The following SMG1 variants were observed in gnomAD, a reference collection of about 807,000 sequenced individuals.
The protein encoded by SMG1 is SMG1 nonsense mediated mRNA decay associated PI3K related kinase, also known as serine/threonine-protein kinase SMG1.
In SMG1, 22 loss-of-function variants were observed where a neutral mutation model predicts 419.9. The ratio of observed to expected loss-of-function variants is 0.05; its 90% confidence interval spans 0.04 to 0.07. The LOEUF is 0.07. Among genes scored for constraint, SMG1 ranks in the 10% least tolerant of loss-of-function variants. The pLI, the probability that SMG1 is intolerant of heterozygous loss-of-function variation, is 1.00. For missense variants in SMG1, 3,185 were observed against 4,342.0 expected, an observed-to-expected ratio of 0.73 and a Z score of 7.49; for synonymous variants, 1,538 against 1,553.5, an observed-to-expected ratio of 0.99 and a Z score of 0.23.
In SMG1 at chr16:18,863,873, A is replaced by G. The variant is rs527726712; in HGVS notation, c.3494-22T>C. 2.8e-5 allele frequency: 44 copies of G among 1,588,044 alleles called. No individual in the cohort carries two copies. The South Asian group carries it at 4.6e-4, about 16-fold the overall frequency. On this transcript the variant is annotated intron_variant, in intron 24 of 62. Coordinates refer to ENST00000446231, the MANE Select transcript of SMG1 (RefSeq NM_015092.5). ...TCACCTGAAAGTATTTTATAAAATA[A>G]GAAGAGAGAGATTCAGATCAGTTAG...
chr16:18,882,719 C>A (rs2036452742), intron 9 of SMG1, among the ~76,000 whole-genome samples: 1 of 152,146 alleles, frequency 6.6e-6, no homozygotes, highest in Non-Finnish European at 1.5e-5. Flanking sequence ...TTGAGCCACT[C>A]AGCTCAACAG....
At position 18,876,014 on chromosome 16, in the gene SMG1, T is replaced by A. The variant is rs1482641810; in HGVS notation, c.1890+110A>T. ...GCATGTCTTAAATATGGCTGTTTGT[T>A]ACACACAGTGATTCTGCAGACATCT... On this transcript the variant is annotated intron_variant, in intron 13 of 62. Transcript: ENST00000446231. 7 of 1,196,964 alleles carry A rather than the reference T, an allele frequency of 5.8e-6. No homozygotes were observed. In the Admixed American group the frequency reaches 7.8e-5, roughly 13 times the overall value. The allele number at this position is 1,196,964 out of a possible 1,614,324, so 74.1% of individuals were successfully genotyped here.
At chr16:18,849,768 T>G (rs1220397602) in intron 35 of SMG1, among the ~76,000 whole-genome samples, 181 bp downstream of exon 35, 1 of 152,202 alleles carries the variant, frequency 6.6e-6, no homozygotes, top group Non-Finnish European at 1.5e-5. Flanking sequence ...AGCTTCCCAT[T>G]TCTTGGAAAG....
chr16:18,829,787 G>A (rs1378920390), intron 53 of SMG1, 32 bp from the exon 54 acceptor site: 3 of 1,556,440 alleles, frequency 1.9e-6, no homozygotes, highest in African/African-American at 2.8e-5. Context: ...TGTATTTCAT[G>A]AAAAAAATCA....
At chr16:18,851,392 TACAC>T (rs71374432) in intron 33 of SMG1, among the ~76,000 whole-genome samples, 202 of 150,084 alleles carry the variant, frequency 1.3e-3, no homozygotes, top group South Asian at 2.5e-3. Context: ...TAAGTTTAAA[TACAC>T]ACACACACAC....
At chr16:18,889,234 G>C (rs2036776975) in intron 6 of SMG1, 138 bp downstream of exon 6, 3 of 525,520 alleles carry the variant, frequency 5.7e-6, no homozygotes, top group Non-Finnish European at 1.0e-5. Context: ...TGAGAAAGAG[G>C]AATTTTTAAA....
At chr16:18,849,495 A>G in intron 35 of SMG1, 117 bp from the exon 36 acceptor site, 1 of 976,210 alleles carries the variant, frequency 1.0e-6, no homozygotes, top group Non-Finnish European at 1.5e-6. Flanking sequence ...TACGGATTTT[A>G]AGAGTTCAAA....
In SMG1 at chr16:18,818,996, T is replaced by C. The variant is rs796298661; in HGVS notation, c.9894+506A>G. 4.6e-5 allele frequency among the ~76,000 whole-genome samples: 7 copies of C among 152,260 alleles called. 1 individual carries two copies. The highest frequency in any genetic ancestry group is 1.7e-4 in the African/African-American group (7 of 41,538). ...CACACCCAGCTAATTTTTTTGTATT[T>C]TTAGCAGAGACGGGGTTTCACCATA... is the stretch of plus-strand genomic sequence containing the variant. On this transcript the variant is annotated intron_variant, in intron 56 of 62. Coordinates refer to ENST00000446231, the MANE Select transcript of SMG1 (RefSeq NM_015092.5).
At chr16:18,895,627 T>C (rs538387744) in intron 3 of SMG1, among the ~76,000 whole-genome samples, 105 of 151,524 alleles carry the variant, frequency 6.9e-4, no homozygotes, top group Non-Finnish European at 1.1e-3. Context: ...CCAACTACCA[T>C]GGCACACGTT....
At chr16:18,922,968 C>G (rs2038254063) in intron 1 of SMG1, among the ~76,000 whole-genome samples, 1 of 152,160 alleles carries the variant, frequency 6.6e-6, no homozygotes, top group South Asian at 2.1e-4. Flanking sequence ...GTAGCCCCAG[C>G]TACTTGTGGA....
chr16:18,863,990 C>T lies in SMG1; in HGVS notation c.3493+12G>A, dbSNP rs1301783040. Reference sequence around the variant, plus strand: ...ATAACTTTTGCTTTATTTAAAAATACTGAACGCTCACCATTCAGAGAATGT... The same window carrying T: ...ATAACTTTTGCTTTATTTAAAAATATTGAACGCTCACCATTCAGAGAATGT... On this transcript the variant is annotated intron_variant, in intron 24 of 62. Transcript: ENST00000446231. 1.9e-6 allele frequency: 3 copies of T among 1,549,878 alleles called. No individual in the cohort carries two copies. The Admixed American group carries it at 5.9e-5, about 30-fold the overall frequency.
intron 26 of SMG1, 28 bp downstream of exon 26, chr16:18,860,639 A>G (rs774721576): frequency 1.9e-6 from 2 of 1,043,458 alleles, no homozygotes; most frequent in East Asian, 5.0e-5. Flanking sequence ...GTCCACTAAA[A>G]TAACTTTAAA....
At position 18,870,724 on chromosome 16, in the gene SMG1, G is replaced by A. The variant is rs768357044; in HGVS notation, c.2391-13C>T. The A allele has an allele frequency of 6.9e-6, 11 of 1,597,196 alleles. No homozygotes were observed. Among genetic ancestry groups the A allele is most frequent in the African/African-American group, 5.4e-5 (4 of 74,636 alleles). On this transcript the variant is annotated splice_polypyrimidine_tract_variant and intron_variant, in intron 17 of 62. Transcript: ENST00000446231. The stretch of plus-strand genomic sequence containing the variant: ...AACATCGACACATCTATGAAAGAAC[G>A]AAATAGACAAAGCAGGTGTGTTAAC...
In SMG1 at chr16:18,860,745, C is replaced by A. The variant is rs776713403; in HGVS notation, c.3727G>T (p.Val1243Phe). Residue 1243 changes from valine (V) to phenylalanine (F), a missense_variant, in exon 26 of 63, where the codon GTT (valine) becomes TTT (phenylalanine). Coordinates refer to ENST00000446231, the MANE Select transcript of SMG1 (RefSeq NM_015092.5). ...AATTCTAACTGCTCGGTACATTCAACAAATTTTCCAGACTCAAAGCTGCTT... is the reference window on the plus strand; with the variant it reads ...AATTCTAACTGCTCGGTACATTCAAAAAATTTTCCAGACTCAAAGCTGCTT... Reference protein sequence around the residue: ...SLSSFESGKFVECTEQLELLP... With the variant: ...SLSSFESGKFFECTEQLELLP... The A allele has an allele frequency of 6.5e-6, 10 of 1,541,858 alleles. No individual in the cohort carries two copies. In the South Asian group the frequency reaches 1.1e-4, roughly 18 times the overall value.
intron 22 of SMG1, 33 bp downstream of exon 22, chr16:18,868,157 G>C: frequency 1.3e-6 from 2 of 1,554,646 alleles, no homozygotes; most frequent in Non-Finnish European, 1.7e-6. Flanking sequence ...CTTATTAACA[G>C]ACTTAAAATG....
At position 18,882,223 on chromosome 16, in the gene SMG1, A is replaced by G. The variant is rs377141576; in HGVS notation, c.1235T>C (p.Ile412Thr). ...LRVFSTVVRS[I>T]GERFSPIRGP... ...CCGAATTGGGCTGAAGCGTTCCCCA[A>G]TGCTCCTCACCACAGTACTAAATAC... The change falls in exon 10 of 63, where the codon ATT becomes ACT. Residue 412 changes from isoleucine (I) to threonine (T), a missense_variant. Ile to Thr is a moderately conservative substitution (Grantham distance 89). Around this residue, in one of 27 missense-constraint regions of SMG1, gnomAD observed 52 missense variants for 69.0 expected, o/e 0.75. Coordinates refer to ENST00000446231, the MANE Select transcript of SMG1 (RefSeq NM_015092.5). The G allele has an allele frequency of 8.1e-6, 13 of 1,605,602 alleles. No homozygotes were observed. Among genetic ancestry groups the G allele is most frequent in the African/African-American group, 2.7e-5 (2 of 74,694 alleles).
intron 25 of SMG1, among the ~76,000 whole-genome samples, chr16:18,861,674 T>C (rs138510056): frequency 0.089 from 13,500 of 152,176 alleles, 744 homozygotes; most frequent in African/African-American, 0.16. Flanking sequence ...GCCAACACAT[T>C]CATCATTTCT....
chr16:18,905,372 T>C (rs1328286210), intron 1 of SMG1, among the ~76,000 whole-genome samples: 3 of 152,176 alleles, frequency 2.0e-5, no homozygotes, highest in Non-Finnish European at 4.4e-5. Flanking sequence ...CTTCCTTGCC[T>C]TCACTTACTT....
At chr16:18,846,878 T>C (rs1250332285) in intron 38 of SMG1, among the ~76,000 whole-genome samples, 1 of 152,084 alleles carries the variant, frequency 6.6e-6, no homozygotes, top group African/African-American at 2.4e-5. Flanking sequence ...CACTGGATCA[T>C]CCACAAAATA....
Sources: gnomAD v4.1 joint callset for allele counts (sites outside exome capture counted in the v4.1 genomes callset) on GRCh38, gnomAD v4.1.1 for gene constraint, gnomAD v4.1.1 regional missense constraint, MANE v1.5 for transcripts, NCBI Gene and HGNC (gene_info 2026-07-23, HGNC 2026-07-21) for gene names.